The following SBF2 variants were observed in gnomAD, a reference collection of about 807,000 sequenced individuals.
SBF2 encodes myotubularin-related protein 13.
Under a neutral mutation model 225.2 loss-of-function variants are expected in SBF2, and 112 were observed. That is an observed-to-expected ratio of 0.50 (90% CI 0.43 to 0.58). The LOEUF (loss-of-function observed/expected upper bound fraction) is 0.58. Among genes scored for constraint, SBF2 ranks in the 20% least tolerant of loss-of-function variants. The pLI is 0.00. For synonymous variants in SBF2, 763 were observed against 773.3 expected (o/e 0.99, Z 0.22); for missense variants, 1,996 against 2,206.2 (o/e 0.90, Z 1.91).
At chr11:10,013,725 C>G (rs1590755774) in intron 6 of SBF2, among the ~76,000 whole-genome samples, 1 of 152,294 alleles carries the variant, frequency 6.6e-6, no homozygotes, top group East Asian at 1.9e-4. Flanking sequence ...TCATCTCTCA[C>G]CAAAATGCCT....
rs540551042 is a variant in SBF2 at position 9,852,447 on chromosome 11, G to C, written c.2610+229C>G. ...CTGCCTATAAAAGTAGACTCAATGA[G>C]AGGTTATTATTGCTCCTTTGTTGAA... On this transcript the variant is annotated intron_variant, in intron 21 of 39. Transcript: ENST00000256190. 3.3e-5 allele frequency among the ~76,000 whole-genome samples: 5 copies of C among 152,270 alleles called. No homozygotes were observed. In the East Asian group the frequency reaches 7.7e-4, roughly 23 times the overall value.
intron 17 of SBF2, among the ~76,000 whole-genome samples, chr11:9,870,920 G>A (rs1858675138): frequency 6.7e-6 from 1 of 150,348 alleles, no homozygotes; most frequent in Non-Finnish European, 1.5e-5. Flanking sequence ...GTTGCAGTGA[G>A]CCGAGATCAC....
At position 10,028,577 on chromosome 11, in the gene SBF2, C is replaced by A; in HGVS notation, c.514-20G>T. On this transcript the variant is annotated intron_variant, in intron 5 of 39. Transcript: ENST00000256190. ...CAGCTTCTGCAGAATGGGAGAAACACAAACACACACACACACGATTTCAGC... is the reference window on the plus strand; with the variant it reads ...CAGCTTCTGCAGAATGGGAGAAACAAAAACACACACACACACGATTTCAGC... The A allele has an allele frequency of 7.1e-7, 1 of 1,406,242 alleles. No individual in the cohort carries two copies. Among genetic ancestry groups the A allele is most frequent in the South Asian group, 1.2e-5 (1 of 86,838 alleles). The allele number at this position is 1,406,242 out of a possible 1,614,324, so 87.1% of individuals were successfully genotyped here. A position where few individuals can be genotyped will look rare whatever the true frequency, so the allele number is the denominator to read the frequency against.
At chr11:9,864,227 A>G (rs1857995537) in intron 17 of SBF2, among the ~76,000 whole-genome samples, 1 of 152,214 alleles carries the variant, frequency 6.6e-6, no homozygotes, top group Non-Finnish European at 1.5e-5. Flanking sequence ...CAGATTGAAC[A>G]GTACAAGTAT....
At chr11:9,961,782 T>C in intron 16 of SBF2, 175 bp downstream of exon 16, 1 of 565,874 alleles carries the variant, frequency 1.8e-6, no homozygotes. Flanking sequence ...CAAAAACTCT[T>C]AATATTTATG....
chr11:9,924,197 A>G (rs1863848659), intron 16 of SBF2, among the ~76,000 whole-genome samples: 1 of 152,178 alleles, frequency 6.6e-6, no homozygotes, highest in Admixed American at 6.5e-5. Context: ...TGAAAGTGAT[A>G]TGCATTCGGT....
intron 28 of SBF2, among the ~76,000 whole-genome samples, chr11:9,823,106 T>A (rs1411365645): frequency 6.6e-6 from 1 of 152,226 alleles, no homozygotes; most frequent in Non-Finnish European, 1.5e-5. Flanking sequence ...GAGGCAGTAC[T>A]AATTTTCTCA....
chr11:10,043,100 C>T (rs1188476852), intron 2 of SBF2, 119 bp from the exon 3 acceptor site: 1 of 934,226 alleles, frequency 1.1e-6, no homozygotes, highest in African/African-American at 1.7e-5. Context: ...TGGTATGAGT[C>T]TAAAGCCAAC....
intron 6 of SBF2, among the ~76,000 whole-genome samples, chr11:10,026,394 G>C (rs1166435237): frequency 6.6e-6 from 1 of 152,100 alleles, no homozygotes; most frequent in Non-Finnish European, 1.5e-5. Flanking sequence ...TCAATGGTTA[G>C]TAGGGACCAC....
At position 10,185,708 on chromosome 11, in the gene SBF2, G is replaced by A. The variant is rs140376970; in HGVS notation, c.141+8194C>T. 6.9e-3 allele frequency among the ~76,000 whole-genome samples: 1,037 copies of A among 150,908 alleles called. 19 individuals are homozygous for A. The highest frequency in any genetic ancestry group is 0.024 in the African/African-American group (995 of 41,114). On this transcript the variant is annotated intron_variant, in intron 2 of 39. Coordinates refer to ENST00000256190, the MANE Select transcript of SBF2 (RefSeq NM_030962.4). ...ATGCATTTCCTTAATAATTGGTGAT[G>A]TTAGCATCTTTTCGTGTGCTTGTAG... is the stretch of plus-strand genomic sequence containing the variant.
At chr11:10,220,485 C>T (rs1958301614) in intron 1 of SBF2, among the ~76,000 whole-genome samples, 1 of 152,180 alleles carries the variant, frequency 6.6e-6, no homozygotes, top group Non-Finnish European at 1.5e-5. Flanking sequence ...GCTTCTATTG[C>T]TAAATTCTCA....
chr11:10,173,286 C>A (rs534225695), intron 2 of SBF2, among the ~76,000 whole-genome samples: 6 of 152,146 alleles, frequency 3.9e-5, no homozygotes, highest in Non-Finnish European at 7.4e-5. Context: ...ACAGTGGGCA[C>A]AGGTCAGTGG....
At chr11:9,937,694 G>GT (rs1864982308) in intron 16 of SBF2, among the ~76,000 whole-genome samples, 1 of 151,838 alleles carries the variant, frequency 6.6e-6, no homozygotes, top group Admixed American at 6.6e-5. Flanking sequence ...TTTTGAATTG[G>GT]TATTATTGCA....
At chr11:10,289,152 C>T (rs2135580709) in intron 1 of SBF2, among the ~76,000 whole-genome samples, 1 of 152,362 alleles carries the variant, frequency 6.6e-6, no homozygotes, top group Middle Eastern at 3.4e-3. Context: ...GCTGTGACAG[C>T]ACCCTGGCTT....
intron 7 of SBF2, among the ~76,000 whole-genome samples, chr11:10,002,121 CTTT>C (rs1386576360): frequency 3.9e-5 from 6 of 152,126 alleles, no homozygotes; most frequent in African/African-American, 1.4e-4. Context: ...TTTCTACCCA[CTTT>C]TTTTCTCTCT....
intron 1 of SBF2, among the ~76,000 whole-genome samples, chr11:10,292,182 C>A (rs1378547277): frequency 6.6e-6 from 1 of 152,198 alleles, no homozygotes; most frequent in Non-Finnish European, 1.5e-5. Flanking sequence ...AGTCTGAGAA[C>A]TAGATGGAGT....
At chr11:9,894,914 G>A (rs1861116941) in intron 17 of SBF2, among the ~76,000 whole-genome samples, 1 of 151,700 alleles carries the variant, frequency 6.6e-6, no homozygotes, top group Non-Finnish European at 1.5e-5. Context: ...CATGGGAGGA[G>A]GAGGTTGCAA....
Position 10,178,101 on chromosome 11 carries a change from T to C in SBF2, c.141+15801A>G, listed in dbSNP as rs373635219. 3.4e-4 allele frequency among the ~76,000 whole-genome samples: 49 copies of C among 145,818 alleles called. 1 individual carries two copies. Among genetic ancestry groups the C allele is most frequent in the South Asian group, 4.3e-4 (2 of 4,686 alleles). On this transcript the variant is annotated intron_variant, in intron 2 of 39. Transcript: ENST00000256190. ...AAAACAAGCAATGGGGAAAGGATTC[T>C]CTATTTAATAAATGGTGCTGGGAAA... is the stretch of plus-strand genomic sequence containing the variant.
chr11:9,833,693 T>C (rs1471778454), intron 26 of SBF2, among the ~76,000 whole-genome samples: 3 of 152,140 alleles, frequency 2.0e-5, no homozygotes, highest in Non-Finnish European at 4.4e-5. Flanking sequence ...GTGCTGGGAT[T>C]ACAGGCATGA....
Sources: gnomAD v4.1 joint callset for allele counts (sites outside exome capture counted in the v4.1 genomes callset) on GRCh38, gnomAD v4.1.1 for gene constraint, MANE v1.5 for transcripts, NCBI Gene and HGNC (gene_info 2026-07-23, HGNC 2026-07-21) for gene names.